Variants in STX8 observed in about 807,000 individuals in gnomAD.
The protein encoded by STX8 is syntaxin 8.
A neutral mutation model predicts 37.5 loss-of-function variants in STX8; 23 were observed. The observed-to-expected ratio is 0.61, with a 90% confidence interval of 0.44 to 0.87. STX8 has a LOEUF of 0.87. Among genes scored for constraint, STX8 ranks in the 40% least tolerant of loss-of-function variants. The probability of loss-of-function intolerance (pLI) is 0.00; values close to 1 mark genes in which losing one functional copy is unlikely to be tolerated. For synonymous variants in STX8, 115 were observed against 99.1 expected, an observed-to-expected ratio of 1.16 and a Z score of -0.95; for missense variants, 313 against 284.7, an observed-to-expected ratio of 1.10 and a Z score of -0.71.
At chr17:9,498,015 C>G (rs80106489) in intron 5 of STX8, among the ~76,000 whole-genome samples, 26 of 152,152 alleles carry the variant, frequency 1.7e-4, no homozygotes, top group African/African-American at 6.0e-4. Flanking sequence ...CCAGTGCCCA[C>G]AGAGAAGCAA....
intron 7 of STX8, among the ~76,000 whole-genome samples, chr17:9,280,094 G>A (rs1393694818): frequency 1.3e-5 from 2 of 152,096 alleles, no homozygotes; most frequent in African/African-American, 2.4e-5. Context: ...GGTGGTGCAC[G>A]CCTCTAGTCC....
intron 4 of STX8, among the ~76,000 whole-genome samples, chr17:9,529,474 A>T (rs1313595986): frequency 6.6e-6 from 1 of 152,222 alleles, no homozygotes; most frequent in African/African-American, 2.4e-5. Context: ...TACAGCTCAA[A>T]GATGATTCAC....
chr17:9,311,762 A>C (rs1273672562), intron 7 of STX8, among the ~76,000 whole-genome samples: 1 of 152,220 alleles, frequency 6.6e-6, no homozygotes, highest in Non-Finnish European at 1.5e-5. Flanking sequence ...GGTTGTGAGG[A>C]TTCAATGAAA....
At chr17:9,277,635 A>C (rs1907722250) in intron 7 of STX8, among the ~76,000 whole-genome samples, 1 of 152,162 alleles carries the variant, frequency 6.6e-6, no homozygotes, top group African/African-American at 2.4e-5. Context: ...ATCATAGAGA[A>C]GCATTAAGAA....
chr17:9,373,409 A>G (rs1430339016), intron 7 of STX8, among the ~76,000 whole-genome samples: 4 of 152,232 alleles, frequency 2.6e-5, no homozygotes, highest in Non-Finnish European at 5.9e-5. Context: ...TATACATAAA[A>G]TGGAATTATT....
chr17:9,289,322 G>A (rs1474902097), intron 7 of STX8, among the ~76,000 whole-genome samples: 1 of 152,174 alleles, frequency 6.6e-6, no homozygotes, highest in East Asian at 1.9e-4. Flanking sequence ...TTCCAGGAAT[G>A]AAGGGCTCCA....
intron 6 of STX8, among the ~76,000 whole-genome samples, chr17:9,384,648 C>CAA: frequency 6.6e-6 from 1 of 151,194 alleles, no homozygotes; most frequent in Non-Finnish European, 1.5e-5. Context: ...TCAAACAAAA[C>CAA]AAAACAAAAC....
chr17:9,449,475 G>A (rs926553046), intron 6 of STX8, among the ~76,000 whole-genome samples: 5 of 152,164 alleles, frequency 3.3e-5, no homozygotes, highest in Non-Finnish European at 5.9e-5. Context: ...CAGGAGAATG[G>A]CGTGAACCCC....
intron 7 of STX8, among the ~76,000 whole-genome samples, chr17:9,320,059 G>T (rs1016744886): frequency 1.4e-4 from 22 of 151,726 alleles, no homozygotes; most frequent in Non-Finnish European, 2.9e-4. Flanking sequence ...CTGGCCAGGT[G>T]CTGTGTGGCT....
At chr17:9,488,516 A>G (rs548246429) in intron 6 of STX8, among the ~76,000 whole-genome samples, 1 of 152,208 alleles carries the variant, frequency 6.6e-6, no homozygotes, top group Non-Finnish European at 1.5e-5. Flanking sequence ...GGTGGGCCCA[A>G]TGTCATGACA....
chr17:9,372,723 G>T (rs1254413137), intron 7 of STX8, among the ~76,000 whole-genome samples: 1 of 148,992 alleles, frequency 6.7e-6, no homozygotes, highest in African/African-American at 2.5e-5. Flanking sequence ...TGATCCACCC[G>T]CCTCGGCCTC....
intron 7 of STX8, among the ~76,000 whole-genome samples, chr17:9,297,958 T>C (rs1279869808): frequency 6.6e-6 from 1 of 152,188 alleles, no homozygotes; most frequent in Non-Finnish European, 1.5e-5. Flanking sequence ...AGTTATTCCA[T>C]GTACCTAGCA....
chr17:9,491,480 G>C (rs553809625), intron 6 of STX8, among the ~76,000 whole-genome samples: 7 of 152,066 alleles, frequency 4.6e-5, no homozygotes, highest in Non-Finnish European at 1.0e-4. Context: ...AAACTCCACC[G>C]GGTGTGGGGA....
chr17:9,454,690 AC>A (rs60991338), intron 6 of STX8, among the ~76,000 whole-genome samples: 28,510 of 135,376 alleles, frequency 0.21, 3,757 homozygotes, highest in East Asian at 0.64. Context: ...AAAAAAAAAA[AC>A]AAAAAAACTT....
Position 9,250,523 on chromosome 17 carries a change from T to A in STX8, c.*55A>T, listed in dbSNP as rs942209095. 1 of 1,491,538 alleles carries A rather than the reference T, an allele frequency of 6.7e-7. No homozygotes were observed. The highest frequency in any genetic ancestry group is 9.2e-7 in the Non-Finnish European group (1 of 1,089,322). The allele number at this position is 1,491,538 out of a possible 1,614,324, so 92.4% of individuals were successfully genotyped here. A position where few individuals can be genotyped will look rare whatever the true frequency, so the allele number is the denominator to read the frequency against. ...GCAGGTTTTGCGTACCAAAAGGGTG[T>A]TGGGCTTGCATCTGTCATTGGCAGG... On this transcript the variant is annotated 3_prime_UTR_variant, in exon 8 of 8. Transcript: ENST00000306357.
chr17:9,418,467 G>A lies in STX8; in HGVS notation c.542-39814C>T, dbSNP rs1032923345. On this transcript the variant is annotated intron_variant, in intron 6 of 7. Transcript: ENST00000306357. ...ATTTATTCAAGAAATTAAAGGCAAA[G>A]GACTTTCTCCTCAGAGAATGCCCTT... Among the ~76,000 whole-genome samples, 36 of 149,864 alleles carry A rather than the reference G, an allele frequency of 2.4e-4. 1 individual carries two copies. Among genetic ancestry groups the A allele is most frequent in the Non-Finnish European group, 1.0e-4 (7 of 67,794 alleles).
intron 6 of STX8, among the ~76,000 whole-genome samples, chr17:9,388,001 G>A (rs527452069): frequency 1.9e-4 from 29 of 151,712 alleles, no homozygotes; most frequent in Admixed American, 1.2e-3. Flanking sequence ...AATCTAGACC[G>A]AAAACGAAGT....
intron 7 of STX8, among the ~76,000 whole-genome samples, chr17:9,310,333 T>TA (rs1278962092): frequency 6.6e-6 from 1 of 152,194 alleles, no homozygotes; most frequent in Non-Finnish European, 1.5e-5. Flanking sequence ...TCACTTAAAA[T>TA]CGCTCTTGGA....
intron 6 of STX8, among the ~76,000 whole-genome samples, chr17:9,387,747 C>G (rs1912067294): frequency 6.6e-6 from 1 of 152,146 alleles, no homozygotes; most frequent in Non-Finnish European, 1.5e-5. Context: ...TGCATCAACG[C>G]CACAATACAT....
Sources: gnomAD v4.1 joint callset for allele counts (sites outside exome capture counted in the v4.1 genomes callset) on GRCh38, gnomAD v4.1.1 for gene constraint, MANE v1.5 for transcripts, NCBI Gene and HGNC (gene_info 2026-07-23, HGNC 2026-07-21) for gene names.